The following HCN4 variants were observed in gnomAD, a reference collection of about 807,000 sequenced individuals.
HCN4 encodes hyperpolarization activated cyclic nucleotide gated potassium channel 4.
HCN4 carries 29 observed loss-of-function variants against 76.9 expected under a neutral mutation model. That is an observed-to-expected ratio of 0.38 (90% CI 0.28 to 0.51). HCN4 has a LOEUF of 0.51. Among genes scored for constraint, HCN4 ranks in the 20% least tolerant of loss-of-function variants. The pLI is 0.90. For synonymous variants in HCN4, 772 were observed against 762.5 expected (o/e 1.01, Z -0.21); for missense variants, 1,416 against 1,715.2 (o/e 0.83, Z 3.08).
At chr15:73,355,418 G>A (rs1052302032) in intron 1 of HCN4, among the ~76,000 whole-genome samples, 1 of 152,166 alleles carries the variant, frequency 6.6e-6, no homozygotes, top group Non-Finnish European at 1.5e-5. Context: ...GTCAGCCAAG[G>A]GCAGCTGGCC....
intron 1 of HCN4, among the ~76,000 whole-genome samples, chr15:73,366,241 G>A (rs2151227911): frequency 6.6e-6 from 1 of 152,256 alleles, no homozygotes; most frequent in South Asian, 2.1e-4. Context: ...TGTCTGACTG[G>A]TCATTCCCAG....
Position 73,347,151 on chromosome 15 carries a change from T to C in HCN4, c.786-3343A>G, listed in dbSNP as rs192041164. Among the ~76,000 whole-genome samples the C allele has an allele frequency of 6.6e-5, 10 of 152,336 alleles. No homozygotes were observed. The East Asian group carries it at 7.7e-4, about 12-fold the overall frequency. On this transcript the variant is annotated intron_variant, in intron 1 of 7. Transcript: ENST00000261917. ...CACTTCACATGTATAGAGAACTTAC[T>C]TGGGTTTTCCATGCATTACTTCATT...
At chr15:73,347,901 G>A (rs935858268) in intron 1 of HCN4, among the ~76,000 whole-genome samples, 1 of 152,182 alleles carries the variant, frequency 6.6e-6, no homozygotes, top group Non-Finnish European at 1.5e-5. Context: ...GGCTCTGGGA[G>A]CCCCAGCAGC....
intron 1 of HCN4, among the ~76,000 whole-genome samples, chr15:73,355,663 T>C (rs138261127): frequency 6.6e-6 from 1 of 152,232 alleles, no homozygotes; most frequent in African/African-American, 2.4e-5. Flanking sequence ...AAGAAACACT[T>C]TGAGATGAAA....
At chr15:73,346,709 T>C (rs1744023069) in intron 1 of HCN4, among the ~76,000 whole-genome samples, 1 of 152,058 alleles carries the variant, frequency 6.6e-6, no homozygotes, top group African/African-American at 2.4e-5. Flanking sequence ...CAGGTATCCG[T>C]AAAAAGCCCA....
chr15:73,325,684 G>A lies in HCN4; in HGVS notation c.1591-240C>T, dbSNP rs569079119. Among the ~76,000 whole-genome samples the A allele has an allele frequency of 2.0e-5, 3 of 152,328 alleles. No individual in the cohort carries two copies. In the South Asian group the frequency reaches 6.2e-4, roughly 32 times the overall value. On this transcript the variant is annotated intron_variant, in intron 4 of 7. Coordinates refer to ENST00000261917, the MANE Select transcript of HCN4 (RefSeq NM_005477.3). The surrounding 1 kb of genome is among the most constrained non-coding windows in gnomAD (Gnocchi z 7.4). ...CCCCCACCAGCATCTGCTCCTCGCT[G>A]TGTTCAATACTAAGGAGGTGGGTGA...
rs2042895899 is a variant in HCN4 at position 73,325,866 on chromosome 15, A to C, written c.1591-422T>G. 6.6e-6 allele frequency among the ~76,000 whole-genome samples: 1 copy of C among 152,218 alleles called. No homozygotes were observed. Among genetic ancestry groups the C allele is most frequent in the African/African-American group, 2.4e-5 (1 of 41,458 alleles). ...TCCTCCCAGCAGTGACAACTGGCAC[A>C]GTCAGGAGGCAAGGGTGCGATGGAT... On this transcript the variant is annotated intron_variant, in intron 4 of 7. Coordinates refer to ENST00000261917, the MANE Select transcript of HCN4 (RefSeq NM_005477.3). This position sits in a 1 kb window ranked among gnomAD's most constrained non-coding sequence, Gnocchi z 7.4.
At chr15:73,338,067 TA>T (rs35457503) in intron 2 of HCN4, among the ~76,000 whole-genome samples, 10,578 of 152,138 alleles carry the variant, frequency 0.07, 726 homozygotes, top group African/African-American at 0.18. Flanking sequence ...CCATTCAGGT[TA>T]GGGGGTGCCC....
intron 2 of HCN4, among the ~76,000 whole-genome samples, chr15:73,336,561 G>A (rs1405855022): frequency 6.6e-6 from 1 of 152,080 alleles, no homozygotes; most frequent in Non-Finnish European, 1.5e-5. Context: ...TCCAAAACCT[G>A]TTTCCATCTC....
At chr15:73,358,935 T>C (rs1475022534) in intron 1 of HCN4, among the ~76,000 whole-genome samples, 2 of 152,080 alleles carry the variant, frequency 1.3e-5, no homozygotes, top group Non-Finnish European at 2.9e-5. Flanking sequence ...CCCTTAATAG[T>C]GAAAGCAGTC....
At chr15:73,334,563 C>G (rs1266371725) in intron 2 of HCN4, among the ~76,000 whole-genome samples, 2 of 152,000 alleles carry the variant, frequency 1.3e-5, no homozygotes, top group Non-Finnish European at 2.9e-5. Flanking sequence ...CACTAGCTCC[C>G]CAGCTCACCC....
At chr15:73,355,097 G>T (rs2043072092) in intron 1 of HCN4, among the ~76,000 whole-genome samples, 1 of 152,218 alleles carries the variant, frequency 6.6e-6, no homozygotes, top group South Asian at 2.1e-4. Context: ...TGCCCTGTTG[G>T]GTACTAAAGC....
chr15:73,323,654 C>T lies in HCN4; in HGVS notation c.2439G>A (p.Gly813=). Residue 813 remains glycine, a synonymous_variant, in exon 8 of 8, where the codon GGG becomes GGA. Coordinates refer to ENST00000261917, the MANE Select transcript of HCN4 (RefSeq NM_005477.3). ...TCTGCCCGGCACCGAGGTTGCCCAG[C>T]CCAGATCCTGGGGGAGGGCGGAAGA... ...AAIFRPPPGS[G]LGNLGAGQTP... The T allele has an allele frequency of 6.3e-7, 1 of 1,595,032 alleles. No homozygotes were observed. Among genetic ancestry groups the T allele is most frequent in the Non-Finnish European group, 8.5e-7 (1 of 1,172,712 alleles).
chr15:73,365,542 GCAGA>G (rs2043124501), intron 1 of HCN4, among the ~76,000 whole-genome samples: 1 of 152,216 alleles, frequency 6.6e-6, no homozygotes, highest in Admixed American at 6.5e-5. Flanking sequence ...CAGGGGGACT[GCAGA>G]CAGACATACC....
chr15:73,345,666 C>G (rs74895158), intron 1 of HCN4, among the ~76,000 whole-genome samples: 5 of 152,174 alleles, frequency 3.3e-5, no homozygotes, highest in Admixed American at 2.0e-4. Flanking sequence ...AGATGCCACA[C>G]GCAGGTATCC....
Position 73,322,140 on chromosome 15 carries a change from T to C in HCN4, c.*341A>G. ...TTCTCTAAATGAACACAATGACACA[T>C]CTGCTCTAAGAACCGCCAACACTGG... is the stretch of plus-strand genomic sequence containing the variant. On this transcript the variant is annotated 3_prime_UTR_variant, in exon 8 of 8. Transcript: ENST00000261917. The C allele has an allele frequency of 2.9e-6, 1 of 341,394 alleles. No individual in the cohort carries two copies. Among genetic ancestry groups the C allele is most frequent in the South Asian group, 2.5e-5 (1 of 39,286 alleles). 21.1% of individuals were successfully genotyped at this position (341,394 alleles called of 1,614,324 possible). A position where few individuals can be genotyped will look rare whatever the true frequency, so the allele number is the denominator to read the frequency against.
At chr15:73,337,977 G>A (rs2042976792) in intron 2 of HCN4, among the ~76,000 whole-genome samples, 1 of 152,206 alleles carries the variant, frequency 6.6e-6, no homozygotes, top group Non-Finnish European at 1.5e-5. Context: ...GTGTGTTTCA[G>A]GTGGTTTTTA....
In HCN4 at chr15:73,329,654, G is replaced by A. The variant is rs1060503837; in HGVS notation, c.1509C>T (p.Ala503=). Reference sequence around the variant, plus strand: ...GGCCAATGAACATGGCGTAGCAGGTGGCACCCACGATCATGCTGAGCATGG... The same window carrying A: ...GGCCAATGAACATGGCGTAGCAGGTAGCACCCACGATCATGCTGAGCATGG... ...WLTMLSMIVG[A]TCYAMFIGHA... The change falls in exon 4 of 8, where the codon GCC becomes GCT. Residue 503 remains alanine (A), a synonymous_variant. Transcript: ENST00000261917. 6.2e-7 allele frequency: 1 copy of A among 1,614,188 alleles called. No individual in the cohort carries two copies. Among genetic ancestry groups the A allele is most frequent in the Non-Finnish European group, 8.5e-7 (1 of 1,180,014 alleles).
chr15:73,353,286 G>T (rs2043063149), intron 1 of HCN4, among the ~76,000 whole-genome samples: 1 of 152,154 alleles, frequency 6.6e-6, no homozygotes, highest in South Asian at 2.1e-4. Context: ...TGTGCTGTAA[G>T]GGGTCCTCTA....
Sources: allele counts gnomAD v4.1 joint callset (sites outside exome capture counted in the v4.1 genomes callset), GRCh38; gene constraint gnomAD v4.1.1; non-coding constraint Gnocchi (gnomAD v3.1); transcripts MANE v1.5; gene names NCBI Gene and HGNC (gene_info 2026-07-23, HGNC 2026-07-21).